ABI1: variants seen among roughly 807,000 people sequenced by gnomAD.
The protein encoded by ABI1 is abl interactor 1, also known as Abelson interactor 1.
ABI1 carries 14 observed loss-of-function variants against 54.6 expected under a neutral mutation model. That is an observed-to-expected ratio of 0.26 (90% CI 0.17 to 0.40). ABI1 has a LOEUF of 0.40. ABI1 is among the 10% of genes least tolerant of loss of function. ABI1 has a pLI of 1.00. For synonymous variants in ABI1, 194 were observed against 209.3 expected (o/e 0.93, Z 0.63); for missense variants, 443 against 598.3 (o/e 0.74, Z 2.71).
At chr10:26,849,698 C>T (rs570693753) in intron 1 of ABI1, among the ~76,000 whole-genome samples, 169 of 152,306 alleles carry the variant, frequency 1.1e-3, no homozygotes, top group African/African-American at 3.6e-3. Context: ...TAATAAAATT[C>T]AAGCTTTCAA....
At chr10:26,812,189 T>A (rs912847194) in intron 2 of ABI1, among the ~76,000 whole-genome samples, 23 of 152,270 alleles carry the variant, frequency 1.5e-4, no homozygotes, top group Admixed American at 1.0e-3. Flanking sequence ...AATTTATACT[T>A]GCAAAAAGCC....
intron 1 of ABI1, among the ~76,000 whole-genome samples, chr10:26,829,082 C>T (rs1050677745): frequency 1.3e-5 from 2 of 151,978 alleles, no homozygotes; most frequent in African/African-American, 2.4e-5. Flanking sequence ...AAAAATTAGC[C>T]GGGCGCAGTG....
At chr10:26,756,247 A>G (rs1271499389) in intron 8 of ABI1, among the ~76,000 whole-genome samples, 1 of 152,184 alleles carries the variant, frequency 6.6e-6, no homozygotes, top group East Asian at 1.9e-4. Context: ...TATCAATAAA[A>G]ATATTAATCA....
intron 2 of ABI1, among the ~76,000 whole-genome samples, chr10:26,801,211 C>T (rs533964598): frequency 1.1e-4 from 17 of 152,222 alleles, no homozygotes; most frequent in Admixed American, 2.0e-4. Context: ...CTTTGATGAG[C>T]GTAATACGGT....
chr10:26,848,043 C>A (rs2050110709), intron 1 of ABI1, among the ~76,000 whole-genome samples: 1 of 151,306 alleles, frequency 6.6e-6, no homozygotes, highest in Non-Finnish European at 1.5e-5. Flanking sequence ...ATAAAAAATA[C>A]CCAAAAAATT....
chr10:26,795,248 T>C (rs1844005930), intron 2 of ABI1, among the ~76,000 whole-genome samples: 1 of 151,226 alleles, frequency 6.6e-6, no homozygotes, highest in Admixed American at 6.6e-5. Context: ...GAGAAAAAGA[T>C]AAGAATATAC....
intron 4 of ABI1, 114 bp from the exon 5 acceptor site, chr10:26,770,459 G>T: frequency 9.2e-7 from 1 of 1,084,218 alleles, no homozygotes; most frequent in Non-Finnish European, 1.4e-6. Flanking sequence ...TTCCCAGACA[G>T]TTTGAATAAA....
In ABI1 at chr10:26,773,215, C is replaced by CT. The variant is rs58739177; in HGVS notation, c.463-2127dup. Among the ~76,000 whole-genome samples, 330 of 92,434 alleles carry CT rather than the reference C, an allele frequency of 3.6e-3. 33 individuals carry two copies. The highest frequency in any genetic ancestry group is 2.6e-3 in the Admixed American group (20 of 7,764). The allele number at this position is 92,434 out of a possible 152,430, so 60.6% of individuals were successfully genotyped here. A position where few individuals can be genotyped will look rare whatever the true frequency, so the allele number is the denominator to read the frequency against. On this transcript the variant is annotated intron_variant, in intron 3 of 10. Transcript: ENST00000376140. The stretch of plus-strand genomic sequence containing the variant: ...AGGCACTAAATGTCTAATGCTAATT[C>CT]TTTTTTTTTTTTTGCTGGCTCTGTT...
intron 2 of ABI1, among the ~76,000 whole-genome samples, chr10:26,811,937 G>A (rs755032393): frequency 2.0e-5 from 3 of 152,142 alleles, no homozygotes; most frequent in South Asian, 2.1e-4. Context: ...ATCCAAGAGT[G>A]AGCAGGGACA....
At chr10:26,856,433 C>CAAAAAAA (rs58195958) in intron 1 of ABI1, among the ~76,000 whole-genome samples, 6 of 57,780 alleles carry the variant, frequency 1.0e-4, no homozygotes, top group Non-Finnish European at 2.1e-4. Context: ...ATCTGTTACT[C>CAAAAAAA]AAAAAAAAAA....
chr10:26,770,180 A>T, intron 5 of ABI1, 65 bp downstream of exon 5: 1 of 1,346,186 alleles, frequency 7.4e-7, no homozygotes, highest in Non-Finnish European at 1.1e-6. Context: ...ACACTTACTT[A>T]AGTCACAGAA....
chr10:26,855,457 T>C (rs1589098311), intron 1 of ABI1, among the ~76,000 whole-genome samples: 1 of 152,216 alleles, frequency 6.6e-6, no homozygotes, highest in Admixed American at 6.5e-5. Flanking sequence ...TTACTAACTC[T>C]ATGACTAAAC....
chr10:26,782,160 A>T (rs527963728), intron 2 of ABI1, among the ~76,000 whole-genome samples: 1 of 152,308 alleles, frequency 6.6e-6, no homozygotes, highest in South Asian at 2.1e-4. Flanking sequence ...CTCCAGCCAC[A>T]GTACCGTGGT....
intron 2 of ABI1, among the ~76,000 whole-genome samples, chr10:26,795,401 C>T (rs1200124059): frequency 6.6e-6 from 1 of 151,794 alleles, no homozygotes; most frequent in African/African-American, 2.4e-5. Context: ...TAGCAAGAGC[C>T]ATCAAACAAG....
At position 26,777,131 on chromosome 10, in the gene ABI1, G is replaced by T. The variant is rs374304548; in HGVS notation, c.396C>A (p.Arg132=). The T allele has an allele frequency of 9.9e-6, 16 of 1,613,840 alleles. No homozygotes were observed. The highest frequency in any genetic ancestry group is 1.3e-5 in the Non-Finnish European group (15 of 1,179,940). ...TAGGTTTCCGAATATACCTTACAGG[G>T]CGCTCCATATTCGCAGGTGCTATTA... ...HKIIAPANME[R]PVRYIRKPID... Residue 132 remains arginine, a synonymous_variant, in exon 3 of 11, where the codon CGC becomes CGA. Coordinates refer to ENST00000376140, the MANE Select transcript of ABI1 (RefSeq NM_001012750.3).
At chr10:26,849,287 T>G (rs2050218828) in intron 1 of ABI1, among the ~76,000 whole-genome samples, 1 of 152,198 alleles carries the variant, frequency 6.6e-6, no homozygotes, top group Non-Finnish European at 1.5e-5. Context: ...GTACTCATTG[T>G]GTTCTTTACT....
chr10:26,765,353 T>C, intron 6 of ABI1, 35 bp from the exon 7 acceptor site: 3 of 1,455,114 alleles, frequency 2.1e-6, no homozygotes, highest in Non-Finnish European at 2.8e-6. Context: ...AAAAACCAAT[T>C]CTAGAGACAT....
chr10:26,827,589 G>GT (rs1289738512), intron 1 of ABI1, among the ~76,000 whole-genome samples: 143 of 63,938 alleles, frequency 2.2e-3, no homozygotes, highest in Non-Finnish European at 3.5e-3. Flanking sequence ...TTCACTTTCT[G>GT]TTTTTTGTTT....
intron 7 of ABI1, chr10:26,763,779 C>T: frequency 1.9e-6 from 2 of 1,042,532 alleles, no homozygotes; most frequent in East Asian, 2.5e-5. Context: ...TTATCACCTG[C>T]AACCTAATAA....
Sources: allele counts gnomAD v4.1 joint callset (sites outside exome capture counted in the v4.1 genomes callset), GRCh38; gene constraint gnomAD v4.1.1; transcripts MANE v1.5; gene names NCBI Gene and HGNC (gene_info 2026-07-23, HGNC 2026-07-21).